The following GNAQ variants were observed in gnomAD, a reference collection of about 807,000 sequenced individuals.
GNAQ encodes G protein subunit alpha q, also known as guanine nucleotide-binding protein G(q) subunit alpha.
In GNAQ, 8 loss-of-function variants were observed where a neutral mutation model predicts 43.9. The ratio of observed to expected loss-of-function variants is 0.18; its 90% CI spans 0.11 to 0.33. The LOEUF (loss-of-function observed/expected upper bound fraction) is 0.33, where lower values mean the gene tolerates loss of function less well. Ranked by LOEUF, GNAQ falls within the 10% of genes least tolerant of loss-of-function variation. The pLI, the probability that GNAQ is intolerant of heterozygous loss-of-function variation, is 1.00. For synonymous variants in GNAQ, 155 were observed against 170.7 expected, an observed-to-expected ratio of 0.91 and a Z score of 0.71; for missense variants, 158 against 450.8, an observed-to-expected ratio of 0.35 and a Z score of 5.88.
intron 1 of GNAQ, among the ~76,000 whole-genome samples, chr9:77,964,324 C>T (rs1289276213): frequency 6.6e-6 from 1 of 152,076 alleles, no homozygotes; most frequent in African/African-American, 2.4e-5. Flanking sequence ...CGATTATACT[C>T]AGAGATTTTA....
intron 1 of GNAQ, among the ~76,000 whole-genome samples, chr9:78,004,785 C>A (rs980921091): frequency 6.6e-6 from 1 of 151,890 alleles, no homozygotes; most frequent in Non-Finnish European, 1.5e-5. Context: ...TTTTGAAACA[C>A]GGTAGGATTT....
chr9:77,789,607 C>T (rs1193645976), intron 5 of GNAQ, among the ~76,000 whole-genome samples: 5 of 151,956 alleles, frequency 3.3e-5, no homozygotes, highest in Non-Finnish European at 5.9e-5. Context: ...TTCTTTTTTG[C>T]AGAGGGGTGA....
chr9:77,782,195 TAAA>T (rs552130670), intron 5 of GNAQ, among the ~76,000 whole-genome samples: 1 of 148,976 alleles, frequency 6.7e-6, no homozygotes, highest in African/African-American at 2.5e-5. Flanking sequence ...AAGAAAAGCT[TAAA>T]AAAAAAATCT....
intron 2 of GNAQ, among the ~76,000 whole-genome samples, chr9:77,833,297 T>C (rs1277008346): frequency 6.6e-6 from 1 of 152,196 alleles, no homozygotes; most frequent in African/African-American, 2.4e-5. Context: ...TATCATCTAC[T>C]AGCTAGACTT....
At chr9:77,901,367 T>C (rs986295951) in intron 2 of GNAQ, among the ~76,000 whole-genome samples, 2 of 152,198 alleles carry the variant, frequency 1.3e-5, no homozygotes, top group East Asian at 1.9e-4. Flanking sequence ...ACCTGGCCCA[T>C]CTGTGTATTT....
chr9:77,796,462 A>G lies in GNAQ; in HGVS notation c.605+1058T>C, dbSNP rs11145566. ...TTTCTCAAAGCACCATGTAGTTTGT[A>G]TTCTAACTAAAAGTACAACTGAGTG... On this transcript the variant is annotated intron_variant, in intron 4 of 6. Coordinates refer to ENST00000286548, the MANE Select transcript of GNAQ (RefSeq NM_002072.5). Among the ~76,000 whole-genome samples the G allele has an allele frequency of 3.9e-5, 6 of 152,366 alleles. No homozygotes were observed. The East Asian group carries it at 1.2e-3, about 29-fold the overall frequency.
intron 2 of GNAQ, among the ~76,000 whole-genome samples, chr9:77,881,358 A>C (rs965560326): frequency 2.6e-5 from 4 of 152,160 alleles, no homozygotes; most frequent in African/African-American, 9.7e-5. Context: ...CTGGTGAATA[A>C]ATGAAAAGTG....
intron 5 of GNAQ, among the ~76,000 whole-genome samples, chr9:77,787,786 T>G (rs530034423): frequency 2.6e-5 from 4 of 152,166 alleles, no homozygotes; most frequent in Non-Finnish European, 5.9e-5. Context: ...TCCCAGCACT[T>G]TGGGAGGCCG....
chr9:77,778,760 A>G (rs959398955), intron 5 of GNAQ, among the ~76,000 whole-genome samples: 3 of 152,016 alleles, frequency 2.0e-5, no homozygotes, highest in Non-Finnish European at 4.4e-5. Context: ...AACACTAATG[A>G]AAAGACAAGT....
At chr9:77,844,944 GAATCTGCCTATTTTTAATGTATA>G (rs1827558709) in intron 2 of GNAQ, among the ~76,000 whole-genome samples, 1 of 152,134 alleles carries the variant, frequency 6.6e-6, no homozygotes, top group African/African-American at 2.4e-5. Context: ...CAAGTACTGG[GAATCTGCCTATTTTTAATGTATA>G]AAACAAAATT....
At chr9:77,825,703 A>G (rs1441463758) in intron 2 of GNAQ, among the ~76,000 whole-genome samples, 1 of 152,250 alleles carries the variant, frequency 6.6e-6, no homozygotes, top group Non-Finnish European at 1.5e-5. Context: ...TACAAAGTGA[A>G]TGTCTGTTAA....
chr9:77,917,624 C>T (rs1472964454), intron 2 of GNAQ, among the ~76,000 whole-genome samples: 2 of 152,072 alleles, frequency 1.3e-5, no homozygotes, highest in Non-Finnish European at 2.9e-5. Flanking sequence ...AGTCAAATGC[C>T]CTTGCACCTA....
chr9:77,813,512 C>G (rs1826961302), intron 3 of GNAQ, among the ~76,000 whole-genome samples: 1 of 151,586 alleles, frequency 6.6e-6, no homozygotes, highest in Admixed American at 6.5e-5. Context: ...AATCCTCATA[C>G]TAACTAATGG....
chr9:77,846,883 T>C (rs1474937631), intron 2 of GNAQ, among the ~76,000 whole-genome samples: 1 of 152,172 alleles, frequency 6.6e-6, no homozygotes. Context: ...ACATTACAGA[T>C]GAGGAAGCTG....
At chr9:77,799,613 A>C (rs1001436068) in intron 3 of GNAQ, among the ~76,000 whole-genome samples, 5 of 152,188 alleles carry the variant, frequency 3.3e-5, no homozygotes, top group African/African-American at 1.2e-4. Context: ...AAAAATGTTA[A>C]ATCTACAAGA....
chr9:77,865,529 T>C (rs1415437531), intron 2 of GNAQ, among the ~76,000 whole-genome samples: 2 of 152,210 alleles, frequency 1.3e-5, no homozygotes, highest in East Asian at 1.9e-4. Context: ...GGAGCTGTTA[T>C]ATGTAAAGAG....
chr9:77,899,039 T>A (rs1448869758), intron 2 of GNAQ, among the ~76,000 whole-genome samples: 1 of 152,202 alleles, frequency 6.6e-6, no homozygotes, highest in African/African-American at 2.4e-5. Context: ...TTGGCTTGTT[T>A]CCAAATTTTC....
chr9:77,924,499 G>A (rs1829040918), intron 1 of GNAQ, among the ~76,000 whole-genome samples: 1 of 152,118 alleles, frequency 6.6e-6, no homozygotes, highest in African/African-American at 2.4e-5. Context: ...TCAGGCAACA[G>A]GACCTTTTTT....
chr9:77,758,961 C>T (rs1825947243), intron 5 of GNAQ, among the ~76,000 whole-genome samples: 1 of 152,038 alleles, frequency 6.6e-6, no homozygotes, highest in Non-Finnish European at 1.5e-5. Context: ...AAAAATCATC[C>T]TGTTTATAAA....
Sources: gnomAD v4.1 joint callset for allele counts (sites outside exome capture counted in the v4.1 genomes callset) on GRCh38, gnomAD v4.1.1 for gene constraint, MANE v1.5 for transcripts, NCBI Gene and HGNC (gene_info 2026-07-23, HGNC 2026-07-21) for gene names.